MMS22L: variants seen among roughly 807,000 people sequenced by gnomAD.
MMS22L encodes MMS22 like, DNA repair protein.
In MMS22L, 74 loss-of-function variants were observed where a neutral mutation model predicts 159.1. The observed-to-expected ratio is 0.47, with a 90% CI of 0.39 to 0.56. The LOEUF is 0.56. Ranked by LOEUF, MMS22L falls within the 20% of genes least tolerant of loss-of-function variation. MMS22L has a pLI of 0.00. For missense variants in MMS22L, 1,351 were observed against 1,422.1 expected (o/e 0.95, Z 0.80); for synonymous variants, 517 against 506.9 (o/e 1.02, Z -0.27).
intron 22 of MMS22L, among the ~76,000 whole-genome samples, chr6:97,161,067 C>T (rs1802385821): frequency 6.6e-6 from 1 of 152,040 alleles, no homozygotes; most frequent in Non-Finnish European, 1.5e-5. Flanking sequence ...CTCTCACTGG[C>T]AGTTCCTGTG....
At chr6:97,273,574 T>C (rs1815968473) in intron 4 of MMS22L, among the ~76,000 whole-genome samples, 4 of 152,228 alleles carry the variant, frequency 2.6e-5, no homozygotes. Flanking sequence ...CGTGTTAAAC[T>C]GCCTAACACC....
chr6:97,275,266 C>T (rs905277528), intron 4 of MMS22L, among the ~76,000 whole-genome samples: 2 of 152,146 alleles, frequency 1.3e-5, no homozygotes, highest in South Asian at 2.1e-4. Context: ...TGGTGGCTCA[C>T]GCCTGTAATC....
intron 14 of MMS22L, among the ~76,000 whole-genome samples, chr6:97,222,671 T>A (rs1809777298): frequency 6.6e-6 from 1 of 152,036 alleles, no homozygotes; most frequent in South Asian, 2.1e-4. Flanking sequence ...CATTTTGAAA[T>A]CACTCACCCT....
intron 11 of MMS22L, among the ~76,000 whole-genome samples, chr6:97,235,424 G>A (rs879620537): frequency 2.6e-5 from 4 of 152,110 alleles, no homozygotes; most frequent in Non-Finnish European, 4.4e-5. Flanking sequence ...ATAAATTTGG[G>A]TCAATGATAA....
chr6:97,147,011 G>T, intron 24 of MMS22L, 124 bp from the exon 25 acceptor site: 1 of 607,900 alleles, frequency 1.6e-6, no homozygotes. Context: ...CATCCAGCAG[G>T]CTTAGCACAA....
chr6:97,272,671 G>T, intron 6 of MMS22L, 33 bp downstream of exon 6: 2 of 1,566,186 alleles, frequency 1.3e-6, no homozygotes, highest in Non-Finnish European at 1.7e-6. Flanking sequence ...AGAAAAAGCT[G>T]ATAATTTAAA....
intron 24 of MMS22L, among the ~76,000 whole-genome samples, chr6:97,147,284 C>T (rs753436182): frequency 6.6e-6 from 1 of 152,100 alleles, no homozygotes; most frequent in East Asian, 1.9e-4. Flanking sequence ...ATAAAATAGA[C>T]CTGTGTAGCA....
At chr6:97,247,998 T>G (rs779979663) in intron 10 of MMS22L, among the ~76,000 whole-genome samples, 1 of 152,234 alleles carries the variant, frequency 6.6e-6, no homozygotes, top group Non-Finnish European at 1.5e-5. Flanking sequence ...GCCTCTAAGA[T>G]GTCCCCCAGT....
At chr6:97,219,191 C>A (rs923142271) in intron 14 of MMS22L, among the ~76,000 whole-genome samples, 1 of 152,094 alleles carries the variant, frequency 6.6e-6, no homozygotes, top group African/African-American at 2.4e-5. Context: ...CAACTGGTAA[C>A]ACACGGATAA....
At chr6:97,243,977 G>A (rs1465780999) in intron 11 of MMS22L, among the ~76,000 whole-genome samples, 1 of 152,196 alleles carries the variant, frequency 6.6e-6, no homozygotes. Context: ...TAGCAGGGGA[G>A]TGAAATGGAC....
At chr6:97,223,842 G>T (rs758402013) in intron 14 of MMS22L, among the ~76,000 whole-genome samples, 3 of 152,062 alleles carry the variant, frequency 2.0e-5, no homozygotes, top group South Asian at 2.1e-4. Context: ...ACAGTAATCT[G>T]TTTGCAAATT....
intron 8 of MMS22L, 30 bp from the exon 9 acceptor site, chr6:97,263,478 A>G (rs1288357267): frequency 8.5e-7 from 1 of 1,177,148 alleles, no homozygotes; most frequent in East Asian, 2.7e-5. Context: ...TGTGTTATTT[A>G]TAAGACAGCA....
intron 11 of MMS22L, among the ~76,000 whole-genome samples, chr6:97,241,416 C>A (rs908152941): frequency 6.6e-6 from 1 of 152,304 alleles, no homozygotes; most frequent in African/African-American, 2.4e-5. Flanking sequence ...TACATTCCCA[C>A]CAGCAACGTA....
chr6:97,215,114 A>ATATATATATTT (rs1209431095), intron 14 of MMS22L, among the ~76,000 whole-genome samples: 1 of 87,190 alleles, frequency 1.1e-5, no homozygotes, highest in African/African-American at 3.5e-5. Context: ...ATATATATAT[A>ATATATATATTT]TTTTTTTTTT....
chr6:97,157,983 G>A (rs987998061), intron 22 of MMS22L, among the ~76,000 whole-genome samples: 2 of 152,112 alleles, frequency 1.3e-5, no homozygotes, highest in East Asian at 1.9e-4. Context: ...ATTAATTACT[G>A]CCTCAATTTC....
At chr6:97,272,648 A>T in intron 6 of MMS22L, 56 bp downstream of exon 6, 1 of 1,446,084 alleles carries the variant, frequency 6.9e-7, no homozygotes, top group Non-Finnish European at 9.5e-7. Context: ...TTGAATGAAT[A>T]CTCCTTGTGG....
intron 3 of MMS22L, among the ~76,000 whole-genome samples, chr6:97,279,483 C>CAA (rs34421690): frequency 6.9e-6 from 1 of 144,590 alleles, no homozygotes; most frequent in African/African-American, 2.5e-5. Flanking sequence ...GACTTCGTCT[C>CAA]AAAAAAAAAA....
chr6:97,261,654 G>C (rs1268293710), intron 9 of MMS22L: 11 of 152,104 alleles, frequency 7.2e-5, no homozygotes, highest in African/African-American at 2.7e-4. Flanking sequence ...CTGCATGTTG[G>C]GGGGACGGTC....
chr6:97,251,185 C>T (rs1163009639), intron 10 of MMS22L, among the ~76,000 whole-genome samples: 2 of 152,096 alleles, frequency 1.3e-5, no homozygotes, highest in African/African-American at 2.4e-5. Context: ...CTGTACCTGG[C>T]AAAATGGAAC....
Sources: allele counts gnomAD v4.1 joint callset (sites outside exome capture counted in the v4.1 genomes callset), GRCh38; gene constraint gnomAD v4.1.1; transcripts MANE v1.5; gene names NCBI Gene and HGNC (gene_info 2026-07-23, HGNC 2026-07-21).